Variants in KCNMB4 observed in about 807,000 individuals in gnomAD.
KCNMB4 encodes the protein potassium calcium-activated channel subfamily M regulatory beta subunit 4.
In KCNMB4, 3 loss-of-function variants were observed where a neutral mutation model predicts 20.7. The observed-to-expected ratio is 0.14, with a 90% CI of 0.07 to 0.37. KCNMB4 has a LOEUF of 0.37. KCNMB4 is among the 10% of genes least tolerant of loss of function. The pLI is 1.00. For missense variants in KCNMB4, 168 were observed against 265.9 expected, an observed-to-expected ratio of 0.63 and a Z score of 2.56; for synonymous variants, 110 against 113.4, an observed-to-expected ratio of 0.97 and a Z score of 0.19.
chr12:70,380,514 G>T (rs770496346), intron 1 of KCNMB4, among the ~76,000 whole-genome samples: 1 of 152,096 alleles, frequency 6.6e-6, no homozygotes, highest in South Asian at 2.1e-4. Flanking sequence ...ATCTGTAAAA[G>T]AATGCAATAT....
chr12:70,387,160 A>G (rs527590745), intron 1 of KCNMB4, among the ~76,000 whole-genome samples: 1 of 151,832 alleles, frequency 6.6e-6, no homozygotes, highest in South Asian at 2.1e-4. Flanking sequence ...TTTATCATAT[A>G]TTTCCAAATT....
intron 1 of KCNMB4, among the ~76,000 whole-genome samples, chr12:70,382,375 G>A (rs1373790590): frequency 7.0e-6 from 1 of 143,346 alleles, no homozygotes; most frequent in African/African-American, 2.6e-5. Flanking sequence ...GGAGCTTGCA[G>A]TGAGCGGAGA....
intron 2 of KCNMB4, among the ~76,000 whole-genome samples, chr12:70,422,531 GAGAAT>G (rs1312183310): frequency 6.6e-6 from 1 of 152,220 alleles, no homozygotes; most frequent in Non-Finnish European, 1.5e-5. Context: ...TCTGATCTTA[GAGAAT>G]ATCTAACTAG....
At chr12:70,377,157 T>G (rs960675107) in intron 1 of KCNMB4, among the ~76,000 whole-genome samples, 5 of 152,138 alleles carry the variant, frequency 3.3e-5, no homozygotes, top group African/African-American at 9.7e-5. Flanking sequence ...TCTTTTTGCA[T>G]AAATTGACGA....
chr12:70,377,337 C>T (rs369491911), intron 1 of KCNMB4, among the ~76,000 whole-genome samples: 1 of 152,110 alleles, frequency 6.6e-6, no homozygotes, highest in Non-Finnish European at 1.5e-5. Context: ...AAGAGTCACA[C>T]AAATTTTTTA....
chr12:70,397,217 G>A (rs1868362126), intron 1 of KCNMB4, among the ~76,000 whole-genome samples: 1 of 152,020 alleles, frequency 6.6e-6, no homozygotes, highest in African/African-American at 2.4e-5. Flanking sequence ...GGGTGTGGTG[G>A]AGTAGCTGTA....
At chr12:70,377,188 G>A (rs1364798071) in intron 1 of KCNMB4, among the ~76,000 whole-genome samples, 2 of 151,872 alleles carry the variant, frequency 1.3e-5, no homozygotes, top group African/African-American at 2.4e-5. Context: ...AAATTCACAC[G>A]GAAATGCAAG....
chr12:70,386,691 T>C (rs1593328077), intron 1 of KCNMB4, among the ~76,000 whole-genome samples: 2 of 152,110 alleles, frequency 1.3e-5, no homozygotes, highest in East Asian at 3.9e-4. Flanking sequence ...TGAAAATACA[T>C]GCCAGCTTTT....
At chr12:70,370,315 GT>G (rs754863346) in intron 1 of KCNMB4, among the ~76,000 whole-genome samples, 1 of 126,062 alleles carries the variant, frequency 7.9e-6, no homozygotes, top group Non-Finnish European at 1.7e-5. Flanking sequence ...TTGTTTTTTT[GT>G]TTTTTTTTTG....
chr12:70,409,127 A>G (rs189015121), intron 2 of KCNMB4, among the ~76,000 whole-genome samples: 2 of 152,286 alleles, frequency 1.3e-5, no homozygotes, highest in Admixed American at 1.3e-4. Context: ...ATACAGGTTT[A>G]CTTTTTAGTA....
At chr12:70,407,657 C>T (rs941106971) in intron 2 of KCNMB4, among the ~76,000 whole-genome samples, 1 of 150,726 alleles carries the variant, frequency 6.6e-6, no homozygotes, top group South Asian at 2.1e-4. Context: ...TTAGTAGAGA[C>T]GGGGTTTCAC....
chr12:70,369,020 A>G (rs969594630), intron 1 of KCNMB4, among the ~76,000 whole-genome samples: 2 of 152,128 alleles, frequency 1.3e-5, no homozygotes, highest in South Asian at 2.1e-4. Context: ...TTCCAGTGCC[A>G]GTTCAGATCT....
At chr12:70,370,316 T>TG (rs1409380355) in intron 1 of KCNMB4, among the ~76,000 whole-genome samples, 1 of 137,994 alleles carries the variant, frequency 7.2e-6, no homozygotes, top group Non-Finnish European at 1.6e-5. Context: ...TGTTTTTTTG[T>TG]TTTTTTTTTG....
At chr12:70,385,418 A>G (rs942621412) in intron 1 of KCNMB4, among the ~76,000 whole-genome samples, 8 of 152,172 alleles carry the variant, frequency 5.3e-5, no homozygotes, top group Admixed American at 3.3e-4. Context: ...GATGTACTGA[A>G]TATTTTCTTC....
At chr12:70,387,211 T>G (rs1025259785) in intron 1 of KCNMB4, among the ~76,000 whole-genome samples, 1 of 149,888 alleles carries the variant, frequency 6.7e-6, no homozygotes, top group Non-Finnish European at 1.5e-5. Context: ...CCGACAGCTG[T>G]GTGTGAAAGA....
intron 1 of KCNMB4, among the ~76,000 whole-genome samples, chr12:70,373,208 T>C (rs1883629689): frequency 6.6e-6 from 1 of 152,026 alleles, no homozygotes; most frequent in African/African-American, 2.4e-5. Flanking sequence ...CCTCAAAAAC[T>C]GTAAGTGTCT....
chr12:70,420,566 C>G (rs1869024655), intron 2 of KCNMB4, among the ~76,000 whole-genome samples: 1 of 152,086 alleles, frequency 6.6e-6, no homozygotes, highest in Admixed American at 6.5e-5. Flanking sequence ...GGAACACAGC[C>G]CTGCTGACAC....
intron 2 of KCNMB4, among the ~76,000 whole-genome samples, chr12:70,402,087 C>G (rs1440210624): frequency 6.6e-6 from 1 of 152,182 alleles, no homozygotes; most frequent in Non-Finnish European, 1.5e-5. Context: ...TTTCCTTGCT[C>G]AAACTCTTTG....
At chr12:70,387,222 G>C (rs977979613) in intron 1 of KCNMB4, among the ~76,000 whole-genome samples, 1 of 148,258 alleles carries the variant, frequency 6.7e-6, no homozygotes, top group Non-Finnish European at 1.5e-5. Flanking sequence ...GTGTGAAAGA[G>C]CCTATTTTTT....
Sources: allele counts gnomAD v4.1 joint callset (sites outside exome capture counted in the v4.1 genomes callset), GRCh38; gene constraint gnomAD v4.1.1; transcripts MANE v1.5; gene names NCBI Gene and HGNC (gene_info 2026-07-23, HGNC 2026-07-21).